The following ABCC4 variants were observed in gnomAD, a reference collection of about 807,000 sequenced individuals.
The protein encoded by ABCC4 is ATP-binding cassette sub-family C member 4.
A neutral mutation model predicts 168.5 loss-of-function variants in ABCC4; 102 were observed. That is an observed-to-expected ratio of 0.61 (90% CI 0.52 to 0.71). The LOEUF is 0.71. Ranked by LOEUF, ABCC4 falls within the 30% of genes least tolerant of loss-of-function variation. ABCC4 has a pLI of 0.00. For synonymous variants in ABCC4, 617 were observed against 590.7 expected (o/e 1.04, Z -0.65); for missense variants, 1,402 against 1,605.8 (o/e 0.87, Z 2.17).
At chr13:95,232,287 G>A (rs902091619) in intron 4 of ABCC4, among the ~76,000 whole-genome samples, 4 of 152,146 alleles carry the variant, frequency 2.6e-5, no homozygotes. Context: ...AGGATTCACA[G>A]AATTATAAGA....
chr13:95,037,057 C>A (rs1371732347), intron 29 of ABCC4, among the ~76,000 whole-genome samples: 4 of 123,676 alleles, frequency 3.2e-5, no homozygotes, highest in Non-Finnish European at 6.3e-5. Context: ...GCACTCCAGC[C>A]TGGGCAACAG....
intron 27 of ABCC4, among the ~76,000 whole-genome samples, chr13:95,044,702 T>C (rs1479934455): frequency 2.0e-5 from 3 of 152,220 alleles, no homozygotes; most frequent in East Asian, 3.8e-4. Context: ...AGTCTGTTCA[T>C]GCAGGGTCAC....
Position 95,075,822 on chromosome 13 carries a change from T to C in ABCC4, c.2687-271A>G, listed in dbSNP as rs1185028659. Reference sequence around the variant, plus strand: ...TCAAATCTAGTTATAATTCTTTCCTTCCTAACTCAGCCTTCCAGGTCTTCC... The same window carrying C: ...TCAAATCTAGTTATAATTCTTTCCTCCCTAACTCAGCCTTCCAGGTCTTCC... On this transcript the variant is annotated intron_variant, in intron 21 of 30. Coordinates refer to ENST00000645237, the MANE Select transcript of ABCC4 (RefSeq NM_005845.5). The C allele has an allele frequency of 5.6e-5, 19 of 336,396 alleles. 1 individual carries two copies. The Admixed American group carries it at 8.4e-4, about 15-fold the overall frequency. 20.8% of individuals were successfully genotyped at this position (336,396 alleles called of 1,614,324 possible). A position where few individuals can be genotyped will look rare whatever the true frequency, so the allele number is the denominator to read the frequency against.
chr13:95,228,721 G>A (rs1305609396), intron 4 of ABCC4, among the ~76,000 whole-genome samples: 3 of 150,850 alleles, frequency 2.0e-5, no homozygotes, highest in Non-Finnish European at 4.4e-5. Flanking sequence ...CTAAGATCAT[G>A]CCACTGTGCT....
chr13:95,044,713 G>A lies in ABCC4; in HGVS notation c.3457-275C>T, dbSNP rs1342881678. On this transcript the variant is annotated intron_variant, in intron 27 of 30. Transcript: ENST00000645237. ...ACACAGTCTGTTCATGCAGGGTCAC[G>A]TGTTAATACTGCCTGGGCCAATTTC... Among the ~76,000 whole-genome samples, 9 of 152,260 alleles carry A rather than the reference G, an allele frequency of 5.9e-5. No homozygotes were observed. The South Asian group carries it at 1.9e-3, about 32-fold the overall frequency.
At chr13:95,044,567 G>A (rs1280268402) in intron 27 of ABCC4, 129 bp from the exon 28 acceptor site, 6 of 690,420 alleles carry the variant, frequency 8.7e-6, no homozygotes, top group East Asian at 3.0e-5. Flanking sequence ...CACACATGAG[G>A]CTGAATTACC....
At chr13:95,190,358 G>T (rs544593654) in intron 9 of ABCC4, among the ~76,000 whole-genome samples, 6 of 152,094 alleles carry the variant, frequency 3.9e-5, no homozygotes, top group Non-Finnish European at 8.8e-5. Context: ...TTATTTTGCA[G>T]TTTATTATTT....
rs755002359 is a variant in ABCC4, at chr13:95,247,001, C to T, written c.280G>A (p.Val94Ile). The T allele has an allele frequency of 6.2e-7, 1 of 1,612,370 alleles. No individual in the cohort carries two copies. Among genetic ancestry groups the T allele is most frequent in the African/African-American group, 1.3e-5 (1 of 74,832 alleles). The change falls in exon 3 of 31, where the codon GTT becomes ATT. Residue 94 changes from valine (V) to isoleucine (I), a missense_variant. Val to Ile is a conservative substitution (Grantham distance 29, BLOSUM62 3). Transcript: ENST00000645237. ...IIKCYWKSYL[V>I]LGIFTLIEES... ...TCAATTAACGTAAAAATTCCCAAAA[C>T]TAAATAAGATTTCCAGTAACACTTT...
At chr13:95,092,299 T>C (rs2034460081) in intron 20 of ABCC4, among the ~76,000 whole-genome samples, 1 of 152,150 alleles carries the variant, frequency 6.6e-6, no homozygotes, top group African/African-American at 2.4e-5. Flanking sequence ...AACTATACCT[T>C]GGAACAAATG....
intron 19 of ABCC4, among the ~76,000 whole-genome samples, chr13:95,160,518 G>C (rs1228476497): frequency 1.3e-5 from 2 of 152,160 alleles, no homozygotes; most frequent in Non-Finnish European, 2.9e-5. Flanking sequence ...GTATACCTAG[G>C]AAACAAGCTA....
intron 3 of ABCC4, among the ~76,000 whole-genome samples, chr13:95,237,206 G>A (rs2138768123): frequency 6.6e-6 from 1 of 152,320 alleles, no homozygotes; most frequent in East Asian, 1.9e-4. Flanking sequence ...AGATTTCCCT[G>A]CCGAGAGACA....
At chr13:95,150,102 G>C (rs548434427) in intron 19 of ABCC4, among the ~76,000 whole-genome samples, 14 of 152,150 alleles carry the variant, frequency 9.2e-5, no homozygotes, top group Non-Finnish European at 1.5e-4. Context: ...GTCTCACGAG[G>C]AGCCGGTACT....
chr13:95,210,587 A>T, intron 5 of ABCC4, 105 bp downstream of exon 5: 1 of 909,950 alleles, frequency 1.1e-6, no homozygotes, highest in Non-Finnish European at 1.7e-6. Flanking sequence ...TGATCCTGCC[A>T]CTGCAATCCA....
chr13:95,078,480 C>T (rs756373910), intron 21 of ABCC4, among the ~76,000 whole-genome samples: 20 of 152,220 alleles, frequency 1.3e-4, no homozygotes, highest in Non-Finnish European at 2.5e-4. Flanking sequence ...ACCTTTTACT[C>T]GTTATTTGTG....
At chr13:95,162,551 A>G (rs2037132458) in intron 18 of ABCC4, among the ~76,000 whole-genome samples, 1 of 152,224 alleles carries the variant, frequency 6.6e-6, no homozygotes, top group Non-Finnish European at 1.5e-5. Flanking sequence ...GGTAAGAAAT[A>G]GAAGGCATCC....
At position 95,085,984 on chromosome 13, in the gene ABCC4, T is replaced by C. The variant is rs561334228; in HGVS notation, c.2536-2694A>G. On this transcript the variant is annotated intron_variant, in intron 20 of 30. Coordinates refer to ENST00000645237, the MANE Select transcript of ABCC4 (RefSeq NM_005845.5). Reference sequence around the variant, plus strand: ...ACCTGTTCTCTTAATCACTGCAAGATACTATATCCTACACACGATTCATAT... The same window carrying C: ...ACCTGTTCTCTTAATCACTGCAAGACACTATATCCTACACACGATTCATAT... 1.3e-4 allele frequency among the ~76,000 whole-genome samples: 19 copies of C among 145,902 alleles called. No homozygotes were observed. In the South Asian group the frequency reaches 4.2e-3, roughly 32 times the overall value.
chr13:95,158,774 T>C (rs1329809407), intron 19 of ABCC4, among the ~76,000 whole-genome samples: 1 of 152,010 alleles, frequency 6.6e-6, no homozygotes, highest in African/African-American at 2.4e-5. Flanking sequence ...AATTTTTATT[T>C]ATATTATAAA....
chr13:95,082,927 TC>T (rs1408495518), intron 21 of ABCC4, among the ~76,000 whole-genome samples: 2 of 152,180 alleles, frequency 1.3e-5, no homozygotes, highest in Non-Finnish European at 2.9e-5. Context: ...CTTCACTCCT[TC>T]CTTATTCCAA....
In ABCC4 at chr13:95,292,865, C is replaced by T. The variant is rs573795075; in HGVS notation, c.74+8376G>A. Among the ~76,000 whole-genome samples, 78 of 152,218 alleles carry T rather than the reference C, an allele frequency of 5.1e-4. 2 individuals are homozygous for T. The highest frequency in any genetic ancestry group is 3.4e-3 in the Middle Eastern group (1 of 294). On this transcript the variant is annotated intron_variant, in intron 1 of 30. Coordinates refer to ENST00000645237, the MANE Select transcript of ABCC4 (RefSeq NM_005845.5). ...AACCCAGAAATGGAACAAGGAGCTA[C>T]GTCGCAGGCCACAAAAGGGCTGTAA... is the stretch of plus-strand genomic sequence containing the variant.
Sources: gnomAD v4.1 joint callset for allele counts (sites outside exome capture counted in the v4.1 genomes callset) on GRCh38, gnomAD v4.1.1 for gene constraint, MANE v1.5 for transcripts, NCBI Gene and HGNC (gene_info 2026-07-23, HGNC 2026-07-21) for gene names.